Variants in STON2 observed in about 807,000 individuals in gnomAD.
STON2 encodes stonin 2.
A neutral mutation model predicts 65.7 loss-of-function variants in STON2; 29 were observed. That is an observed-to-expected ratio of 0.44 (90% CI 0.33 to 0.60). STON2 has a LOEUF of 0.60. Ranked by LOEUF, STON2 falls within the 20% of genes least tolerant of loss-of-function variation. The pLI is 0.03. For missense variants in STON2, 1,054 were observed against 1,118.1 expected, an observed-to-expected ratio of 0.94 and a Z score of 0.82; for synonymous variants, 404 against 414.2, an observed-to-expected ratio of 0.98 and a Z score of 0.30.
At chr14:81,370,273 ACC>A (rs1898924294) in intron 4 of STON2, among the ~76,000 whole-genome samples, 1 of 152,174 alleles carries the variant, frequency 6.6e-6, no homozygotes, top group South Asian at 2.1e-4. Flanking sequence ...TTCAGAAGAA[ACC>A]AATCTCTCGG....
At chr14:81,372,605 G>T (rs1301756765) in intron 3 of STON2, among the ~76,000 whole-genome samples, 1 of 148,244 alleles carries the variant, frequency 6.7e-6, no homozygotes, top group Non-Finnish European at 1.5e-5. Context: ...TTTACCAACA[G>T]GTACTGAAAC....
intron 2 of STON2, among the ~76,000 whole-genome samples, chr14:81,426,933 T>C (rs867993297): frequency 1.3e-5 from 2 of 152,238 alleles, no homozygotes; most frequent in South Asian, 2.1e-4. Context: ...TTTATTTTTA[T>C]GTGCTATTTG....
At chr14:81,330,797 T>C (rs540287986) in intron 4 of STON2, among the ~76,000 whole-genome samples, 3 of 152,228 alleles carry the variant, frequency 2.0e-5, no homozygotes, top group African/African-American at 4.8e-5. Context: ...TATTAGCACC[T>C]ACTCAAAAGT....
chr14:81,266,554 A>G lies in STON2; in HGVS notation c.*1860T>C, dbSNP rs957542341. ...TACAACCCTGGTCACCTCCCTATGG[A>G]CACAATCAACTTATTAATGTCTCTC... On this transcript the variant is annotated 3_prime_UTR_variant, in exon 8 of 8. Coordinates refer to ENST00000614646, the MANE Select transcript of STON2 (RefSeq NM_001394390.1). 7.2e-6 allele frequency: 4 copies of G among 555,098 alleles called. No homozygotes were observed. The African/African-American group carries it at 8.3e-5, about 11-fold the overall frequency. 34.4% of individuals were successfully genotyped at this position (555,098 alleles called of 1,614,324 possible).
At chr14:81,316,688 T>C (rs1424667939) in intron 5 of STON2, among the ~76,000 whole-genome samples, 1 of 152,180 alleles carries the variant, frequency 6.6e-6, no homozygotes, top group African/African-American at 2.4e-5. Flanking sequence ...TCATTTTGCA[T>C]TGCTACAAAG....
At chr14:81,286,714 C>T (rs900518712) in intron 5 of STON2, among the ~76,000 whole-genome samples, 1 of 152,130 alleles carries the variant, frequency 6.6e-6, no homozygotes, top group Non-Finnish European at 1.5e-5. Context: ...GCCACAGATA[C>T]ACAGTAGGTA....
chr14:81,281,593 T>C (rs1895122532), intron 5 of STON2, among the ~76,000 whole-genome samples: 1 of 152,172 alleles, frequency 6.6e-6, no homozygotes, highest in East Asian at 1.9e-4. Flanking sequence ...CAAAGCTGTT[T>C]ACACTTGCCA....
At chr14:81,359,247 T>C (rs1339351540) in intron 4 of STON2, among the ~76,000 whole-genome samples, 1 of 152,016 alleles carries the variant, frequency 6.6e-6, no homozygotes, top group Non-Finnish European at 1.5e-5. Flanking sequence ...TTTCAGAAAA[T>C]TCACAAATAT....
At chr14:81,430,723 G>GA (rs1271246208) in intron 1 of STON2, among the ~76,000 whole-genome samples, 8 of 152,032 alleles carry the variant, frequency 5.3e-5, no homozygotes, top group African/African-American at 1.9e-4. Context: ...CTAGAGATGT[G>GA]AAAAAACATA....
chr14:81,340,704 G>A (rs765532713), intron 4 of STON2, among the ~76,000 whole-genome samples: 2 of 152,076 alleles, frequency 1.3e-5, no homozygotes, highest in Non-Finnish European at 2.9e-5. Context: ...CTGGGTTCCT[G>A]AACTCTGGAG....
At position 81,410,278 on chromosome 14, in the gene STON2, C is replaced by CAAAAAAAAAAA. The variant is rs1161157573; in HGVS notation, c.-198-11709_-198-11699dup. 8.7e-4 allele frequency among the ~76,000 whole-genome samples: 40 copies of CAAAAAAAAAAA among 45,796 alleles called. 1 individual carries two copies. Among genetic ancestry groups the CAAAAAAAAAAA allele is most frequent in the Non-Finnish European group, 1.3e-3 (27 of 20,604 alleles). The allele number at this position is 45,796 out of a possible 152,430, so 30.0% of individuals were successfully genotyped here. A position where few individuals can be genotyped will look rare whatever the true frequency, so the allele number is the denominator to read the frequency against. ...GCATGCAGATGAATGTAACTCTAAC[C>CAAAAAAAAAAA]AAAAAAAAAAAAAAAAAAAAAAAAA... On this transcript the variant is annotated intron_variant, in intron 2 of 8. Transcript: ENST00000553821.
At chr14:81,287,818 T>C (rs1419905428) in intron 5 of STON2, among the ~76,000 whole-genome samples, 3 of 152,196 alleles carry the variant, frequency 2.0e-5, no homozygotes, top group Admixed American at 1.3e-4. Context: ...GGCCTCTTCC[T>C]CTGACAACCA....
chr14:81,324,702 G>A (rs3742553), intron 4 of STON2, among the ~76,000 whole-genome samples: 27,895 of 152,202 alleles, frequency 0.18, 3,655 homozygotes, highest in African/African-American at 0.37. Context: ...TGTCCAAGGG[G>A]CACATTCTTG....
intron 5 of STON2, among the ~76,000 whole-genome samples, chr14:81,286,950 T>C (rs112915932): frequency 2.0e-5 from 3 of 152,246 alleles, no homozygotes; most frequent in African/African-American, 4.8e-5. Context: ...TAAAATCTGG[T>C]GAATTTTTCC....
intron 3 of STON2, among the ~76,000 whole-genome samples, chr14:81,394,265 TATAA>T (rs1030719839): frequency 8.5e-5 from 13 of 152,204 alleles, no homozygotes; most frequent in African/African-American, 1.2e-4. Flanking sequence ...TATGTAAAAA[TATAA>T]ATGTTTGTTA....
intron 2 of STON2, among the ~76,000 whole-genome samples, chr14:81,421,135 T>C (rs1294337393): frequency 2.0e-5 from 3 of 152,232 alleles, no homozygotes; most frequent in Non-Finnish European, 4.4e-5. Flanking sequence ...GATGTCTTTT[T>C]GTTACCCGAC....
intron 7 of STON2, chr14:81,270,166 C>T (rs753355625): frequency 5.8e-6 from 3 of 513,960 alleles, no homozygotes; most frequent in Non-Finnish European, 5.0e-6. Flanking sequence ...TGGCTCACTG[C>T]AGCTCAACCT....
At chr14:81,405,460 G>GTGT (rs1555407127) in intron 2 of STON2, among the ~76,000 whole-genome samples, 1 of 63,316 alleles carries the variant, frequency 1.6e-5, no homozygotes, top group East Asian at 4.2e-4. Flanking sequence ...AGTTACTATT[G>GTGT]TTTTTTTTTT....
rs1018005138 is a variant in STON2 at position 81,372,811 on chromosome 14, C to T, written c.374-1626G>A. ...AAGATGATAATGTCAGTTCTCCTGCCGGGAAAACCAAAACAAATAGAAAAA... is the reference window on the plus strand; with the variant it reads ...AAGATGATAATGTCAGTTCTCCTGCTGGGAAAACCAAAACAAATAGAAAAA... On this transcript the variant is annotated intron_variant, in intron 3 of 7. Transcript: ENST00000614646. Among the ~76,000 whole-genome samples, 16 of 152,000 alleles carry T rather than the reference C, an allele frequency of 1.1e-4. 1 individual carries two copies. In the South Asian group the frequency reaches 2.9e-3, roughly 28 times the overall value.
Sources: gnomAD v4.1 joint callset for allele counts (sites outside exome capture counted in the v4.1 genomes callset) on GRCh38, gnomAD v4.1.1 for gene constraint, MANE v1.5 for transcripts, NCBI Gene and HGNC (gene_info 2026-07-23, HGNC 2026-07-21) for gene names.